The following ALCAM variants were observed in gnomAD, a reference collection of about 807,000 sequenced individuals.
ALCAM encodes activated leukocyte cell adhesion molecule, also known as CD166 antigen.
ALCAM carries 30 observed loss-of-function variants against 70.9 expected under a neutral mutation model. The observed-to-expected ratio is 0.42, with a 90% CI of 0.32 to 0.57. The LOEUF (loss-of-function observed/expected upper bound fraction) is 0.57, where lower values mean the gene tolerates loss of function less well. Ranked by LOEUF, ALCAM falls within the 20% of genes least tolerant of loss-of-function variation. The pLI is 0.11. For synonymous variants in ALCAM, 249 were observed against 242.5 expected, an observed-to-expected ratio of 1.03 and a Z score of -0.25; for missense variants, 591 against 695.1, an observed-to-expected ratio of 0.85 and a Z score of 1.68.
At chr3:105,573,603 G>C (rs985390441) in intron 15 of ALCAM, among the ~76,000 whole-genome samples, 1 of 152,108 alleles carries the variant, frequency 6.6e-6, no homozygotes, top group Non-Finnish European at 1.5e-5. Context: ...TCTCAAAAGA[G>C]GTATGTTTCC....
At chr3:105,469,080 T>A (rs903860077) in intron 1 of ALCAM, among the ~76,000 whole-genome samples, 1 of 151,316 alleles carries the variant, frequency 6.6e-6, no homozygotes, top group Non-Finnish European at 1.5e-5. Context: ...TGCTTCTTCA[T>A]ATGTGTATCA....
Position 105,371,864 on chromosome 3 carries a change from A to G in ALCAM, c.73+4383A>G, listed in dbSNP as rs890452177. ...TGTCTCTGTCTCAATGTATACATAGAAACTTAAATGCAATTTCTCACAATG... is the reference window on the plus strand; with the variant it reads ...TGTCTCTGTCTCAATGTATACATAGGAACTTAAATGCAATTTCTCACAATG... On this transcript the variant is annotated intron_variant, in intron 1 of 15. Coordinates refer to ENST00000306107, the MANE Select transcript of ALCAM (RefSeq NM_001627.4). Among the ~76,000 whole-genome samples, 5 of 152,152 alleles carry G rather than the reference A, an allele frequency of 3.3e-5. No homozygotes were observed. The East Asian group carries it at 9.6e-4, about 29-fold the overall frequency.
At chr3:105,557,331 A>C (rs1940540594) in intron 14 of ALCAM, among the ~76,000 whole-genome samples, 1 of 152,086 alleles carries the variant, frequency 6.6e-6, no homozygotes, top group Admixed American at 6.6e-5. Context: ...CTTGATGGGA[A>C]ATAAAACAAT....
intron 1 of ALCAM, among the ~76,000 whole-genome samples, chr3:105,375,547 G>A (rs1223084151): frequency 6.6e-6 from 1 of 152,108 alleles, no homozygotes; most frequent in Non-Finnish European, 1.5e-5. Context: ...GAAACATTGA[G>A]GATCCTATGG....
chr3:105,398,394 C>T (rs962146229), intron 1 of ALCAM, among the ~76,000 whole-genome samples: 17 of 152,062 alleles, frequency 1.1e-4, no homozygotes, highest in African/African-American at 2.2e-4. Context: ...GAGAAATTTA[C>T]GAGGTCAAGT....
At chr3:105,475,029 G>T (rs1233134674) in intron 1 of ALCAM, among the ~76,000 whole-genome samples, 4 of 151,816 alleles carry the variant, frequency 2.6e-5, no homozygotes, top group Non-Finnish European at 4.4e-5. Context: ...TTGAGATGTG[G>T]CTGGTGGGTT....
intron 1 of ALCAM, among the ~76,000 whole-genome samples, chr3:105,395,246 A>C (rs1935921554): frequency 6.6e-6 from 1 of 151,946 alleles, no homozygotes; most frequent in Non-Finnish European, 1.5e-5. Flanking sequence ...CCACAATGGA[A>C]TATGTTTTTA....
Position 105,387,549 on chromosome 3 carries a change from A to G in ALCAM, c.73+20068A>G, listed in dbSNP as rs116805815. Among the ~76,000 whole-genome samples the G allele has an allele frequency of 5.6e-3, 855 of 151,780 alleles. 7 individuals are homozygous for G. The highest frequency in any genetic ancestry group is 0.02 in the African/African-American group (825 of 41,488). The stretch of plus-strand genomic sequence containing the variant: ...GAAAGAATTTAAGAAAACAGATTCT[A>G]TGTAAATAGTCTGCGTCACTAACTC... On this transcript the variant is annotated intron_variant, in intron 1 of 15. Coordinates refer to ENST00000306107, the MANE Select transcript of ALCAM (RefSeq NM_001627.4).
chr3:105,491,932 T>A (rs1460934515), intron 1 of ALCAM, among the ~76,000 whole-genome samples: 3 of 152,206 alleles, frequency 2.0e-5, no homozygotes, highest in Non-Finnish European at 4.4e-5. Flanking sequence ...TGTTTCGGCA[T>A]CTTTACAGCA....
At chr3:105,494,533 C>A (rs1211829183) in intron 1 of ALCAM, among the ~76,000 whole-genome samples, 1 of 151,818 alleles carries the variant, frequency 6.6e-6, no homozygotes, top group Middle Eastern at 3.4e-3. Context: ...CAAAGTTGCT[C>A]CCTCTTAAGA....
At chr3:105,392,525 A>G (rs1935849461) in intron 1 of ALCAM, among the ~76,000 whole-genome samples, 1 of 151,512 alleles carries the variant, frequency 6.6e-6, no homozygotes, top group South Asian at 2.1e-4. Flanking sequence ...TAAAAAAAAT[A>G]GCTCGTAGAT....
chr3:105,561,356 T>A (rs573031221), intron 14 of ALCAM, among the ~76,000 whole-genome samples: 3 of 152,268 alleles, frequency 2.0e-5, no homozygotes, highest in Admixed American at 6.5e-5. Flanking sequence ...CTACTCTATA[T>A]GCCATATATT....
At chr3:105,431,762 T>G (rs912575779) in intron 1 of ALCAM, among the ~76,000 whole-genome samples, 1 of 152,180 alleles carries the variant, frequency 6.6e-6, no homozygotes, top group Admixed American at 6.5e-5. Flanking sequence ...GTTTTCACCC[T>G]GTTTTTGTTA....
intron 9 of ALCAM, among the ~76,000 whole-genome samples, chr3:105,545,611 CACAT>C (rs1313790147): frequency 6.6e-6 from 1 of 151,392 alleles, no homozygotes; most frequent in Non-Finnish European, 1.5e-5. Context: ...CGCATGTGTG[CACAT>C]ACAAACATAG....
chr3:105,543,458 GAAACATAA>G (rs944138121), intron 8 of ALCAM, among the ~76,000 whole-genome samples: 11 of 151,546 alleles, frequency 7.3e-5, no homozygotes, highest in Non-Finnish European at 1.3e-4. Context: ...AAATTATATG[GAAACATAA>G]AAATCCTATT....
chr3:105,505,776 A>T (rs1199077570), intron 1 of ALCAM, among the ~76,000 whole-genome samples: 1 of 152,216 alleles, frequency 6.6e-6, no homozygotes, highest in Admixed American at 6.5e-5. Context: ...TATATCTTTT[A>T]CAGTCTTTGG....
intron 1 of ALCAM, among the ~76,000 whole-genome samples, chr3:105,433,782 C>T (rs1454157922): frequency 6.8e-6 from 1 of 146,982 alleles, no homozygotes; most frequent in African/African-American, 2.5e-5. Context: ...TGCACACTCT[C>T]AGACAAGCTG....
intron 1 of ALCAM, among the ~76,000 whole-genome samples, chr3:105,453,182 C>T (rs1937477070): frequency 6.6e-6 from 1 of 152,166 alleles, no homozygotes; most frequent in African/African-American, 2.4e-5. Flanking sequence ...CCTAGGTTTT[C>T]TTCCAGGGTT....
At chr3:105,429,237 AG>A (rs1936867629) in intron 1 of ALCAM, among the ~76,000 whole-genome samples, 1 of 152,004 alleles carries the variant, frequency 6.6e-6, no homozygotes, top group South Asian at 2.1e-4. Context: ...ATCTGCCCAA[AG>A]CAAATACACT....
Sources: gnomAD v4.1 joint callset for allele counts (sites outside exome capture counted in the v4.1 genomes callset) on GRCh38, gnomAD v4.1.1 for gene constraint, MANE v1.5 for transcripts, NCBI Gene and HGNC (gene_info 2026-07-23, HGNC 2026-07-21) for gene names.